TSPAN12: variants seen among roughly 807,000 people sequenced by gnomAD.
TSPAN12 encodes tetraspanin-12.
A neutral mutation model predicts 39.2 loss-of-function variants in TSPAN12; 19 were observed. The ratio of observed to expected loss-of-function variants is 0.49; its 90% CI spans 0.34 to 0.71. The LOEUF (loss-of-function observed/expected upper bound fraction) is 0.71, where lower values mean the gene tolerates loss of function less well. Among genes scored for constraint, TSPAN12 ranks in the 30% least tolerant of loss-of-function variants. The pLI is 0.01. For synonymous variants in TSPAN12, 119 were observed against 124.8 expected (o/e 0.95, Z 0.31); for missense variants, 314 against 359.9 (o/e 0.87, Z 1.03).
intron 6 of TSPAN12, among the ~76,000 whole-genome samples, chr7:120,807,997 T>A (rs1334971224): frequency 6.6e-6 from 1 of 152,120 alleles, no homozygotes; most frequent in Non-Finnish European, 1.5e-5. Context: ...AAATAATATA[T>A]GTAGTATAAA....
At chr7:120,801,761 A>C (rs2116332021) in intron 7 of TSPAN12, among the ~76,000 whole-genome samples, 1 of 152,228 alleles carries the variant, frequency 6.6e-6, no homozygotes, top group Admixed American at 6.5e-5. Flanking sequence ...AGCCTTTTTG[A>C]GGGGCTACTT....
At chr7:120,846,784 G>C (rs1366577940) in intron 2 of TSPAN12, among the ~76,000 whole-genome samples, 1 of 152,196 alleles carries the variant, frequency 6.6e-6, no homozygotes, top group African/African-American at 2.4e-5. Flanking sequence ...AACAAGCGCT[G>C]AGAAGACATA....
intron 4 of TSPAN12, among the ~76,000 whole-genome samples, chr7:120,834,519 C>T (rs1199323724): frequency 2.0e-5 from 3 of 152,102 alleles, no homozygotes; most frequent in African/African-American, 7.2e-5. Flanking sequence ...TTTTCTTGAT[C>T]AGTCTGTTGA....
At chr7:120,806,477 A>C in intron 7 of TSPAN12, 72 bp downstream of exon 7, 1 of 1,556,938 alleles carries the variant, frequency 6.4e-7, no homozygotes. Context: ...TTTCATTGGC[A>C]TATTGTTGAT....
At chr7:120,789,100 T>C (rs1350435146) in intron 7 of TSPAN12, among the ~76,000 whole-genome samples, 1 of 152,178 alleles carries the variant, frequency 6.6e-6, no homozygotes, top group Non-Finnish European at 1.5e-5. Context: ...TCCAGCTGAT[T>C]CCAATGAGCC....
intron 7 of TSPAN12, among the ~76,000 whole-genome samples, chr7:120,790,216 C>G (rs1387018612): frequency 6.6e-6 from 1 of 152,180 alleles, no homozygotes; most frequent in Non-Finnish European, 1.5e-5. Context: ...CCTAAGACAA[C>G]TAACCTTGGG....
chr7:120,816,359 C>T lies in TSPAN12; in HGVS notation c.286-556G>A, dbSNP rs553847215. 5.2e-5 allele frequency among the ~76,000 whole-genome samples: 5 copies of T among 96,792 alleles called. No homozygotes were observed. The East Asian group carries it at 9.1e-4, about 18-fold the overall frequency. The allele number at this position is 96,792 out of a possible 152,430, so 63.5% of individuals were successfully genotyped here. A position where few individuals can be genotyped will look rare whatever the true frequency, so the allele number is the denominator to read the frequency against. On this transcript the variant is annotated intron_variant, in intron 4 of 7. Coordinates refer to ENST00000222747, the MANE Select transcript of TSPAN12 (RefSeq NM_012338.4). ...AATATCAAAATTCTGATAAGGCATG[C>T]GCAGGCAAAAAAAAACACAAAGTTG... is the stretch of plus-strand genomic sequence containing the variant.
chr7:120,809,022 G>A (rs767454468), intron 6 of TSPAN12, among the ~76,000 whole-genome samples: 1 of 151,154 alleles, frequency 6.6e-6, no homozygotes, highest in Non-Finnish European at 1.5e-5. Context: ...AAGACACAGG[G>A]AGAAGATGGC....
rs969815896 is a variant in TSPAN12 at position 120,828,655 on chromosome 7, C to T, written c.285+10122G>A. On this transcript the variant is annotated intron_variant, in intron 4 of 7. Coordinates refer to ENST00000222747, the MANE Select transcript of TSPAN12 (RefSeq NM_012338.4). ...GTTCCTTAGTGTTTTTTTCTTTCTC[C>T]TTTTTTTTTTTTTTTTTTTTTTACA... 1.3e-3 allele frequency among the ~76,000 whole-genome samples: 157 copies of T among 125,480 alleles called. 1 individual carries two copies. The highest frequency in any genetic ancestry group is 3.7e-3 in the South Asian group (14 of 3,742). The allele number at this position is 125,480 out of a possible 152,430, so 82.3% of individuals were successfully genotyped here. A position where few individuals can be genotyped will look rare whatever the true frequency, so the allele number is the denominator to read the frequency against.
intron 2 of TSPAN12, among the ~76,000 whole-genome samples, chr7:120,853,449 C>A (rs1236474118): frequency 1.4e-5 from 2 of 144,994 alleles, no homozygotes; most frequent in East Asian, 4.0e-4. Context: ...AAAAACAAAC[C>A]TTAACCAAGT....
chr7:120,839,732 T>C (rs532334222), intron 3 of TSPAN12, among the ~76,000 whole-genome samples: 4 of 152,324 alleles, frequency 2.6e-5, no homozygotes, highest in African/African-American at 9.6e-5. Flanking sequence ...AAAGTAACTA[T>C]GCTGGTTCTT....
chr7:120,820,449 T>C (rs1487128884), intron 4 of TSPAN12, among the ~76,000 whole-genome samples: 1 of 152,174 alleles, frequency 6.6e-6, no homozygotes. Context: ...ACTTGTCCTC[T>C]CTTTCCGTAC....
intron 7 of TSPAN12, among the ~76,000 whole-genome samples, chr7:120,802,860 G>A (rs1211934819): frequency 6.6e-6 from 1 of 152,176 alleles, no homozygotes; most frequent in Non-Finnish European, 1.5e-5. Context: ...TATTTCTGCT[G>A]TCATTTTTCA....
At chr7:120,846,788 A>G (rs1794678302) in intron 2 of TSPAN12, among the ~76,000 whole-genome samples, 1 of 152,216 alleles carries the variant, frequency 6.6e-6, no homozygotes, top group Admixed American at 6.5e-5. Flanking sequence ...AGCGCTGAGA[A>G]GACATAGTAC....
chr7:120,823,048 C>T (rs1265083514), intron 4 of TSPAN12, among the ~76,000 whole-genome samples: 1 of 152,082 alleles, frequency 6.6e-6, no homozygotes, highest in East Asian at 1.9e-4. Flanking sequence ...AAGCCATTTC[C>T]AGGCATATAG....
At chr7:120,825,239 T>C (rs1249957617) in intron 4 of TSPAN12, among the ~76,000 whole-genome samples, 1 of 152,094 alleles carries the variant, frequency 6.6e-6, no homozygotes, top group African/African-American at 2.4e-5. Flanking sequence ...GAAAGAAAAG[T>C]AAAAAGTATA....
chr7:120,835,888 G>A (rs1794467083), intron 4 of TSPAN12, among the ~76,000 whole-genome samples: 1 of 152,124 alleles, frequency 6.6e-6, no homozygotes, highest in Non-Finnish European at 1.5e-5. Context: ...AGAGAAGAAC[G>A]GAGCAAGAAA....
intron 7 of TSPAN12, among the ~76,000 whole-genome samples, chr7:120,798,818 T>C (rs1287668274): frequency 2.0e-5 from 3 of 152,108 alleles, no homozygotes; most frequent in Non-Finnish European, 4.4e-5. Flanking sequence ...GGGAATGCCC[T>C]TTTTCGACCC....
intron 4 of TSPAN12, among the ~76,000 whole-genome samples, chr7:120,819,955 C>A (rs1202348139): frequency 6.6e-6 from 1 of 152,128 alleles, no homozygotes; most frequent in Non-Finnish European, 1.5e-5. Flanking sequence ...ACAACAGTTC[C>A]TGCTGAGCTG....
Sources: allele counts gnomAD v4.1 joint callset (sites outside exome capture counted in the v4.1 genomes callset), GRCh38; gene constraint gnomAD v4.1.1; transcripts MANE v1.5; gene names NCBI Gene and HGNC (gene_info 2026-07-23, HGNC 2026-07-21).